Variants in MTUS1 observed in about 807,000 individuals in gnomAD.
MTUS1 encodes microtubule-associated tumor suppressor 1.
In MTUS1, 109 loss-of-function variants were observed where a neutral mutation model predicts 120.8. The ratio of observed to expected loss-of-function variants is 0.90; its 90% confidence interval spans 0.77 to 1.06. The LOEUF is 1.06. MTUS1 is among the 50% of genes least tolerant of loss of function. MTUS1 has a pLI of 0.00. For missense variants in MTUS1, 2,210 were observed against 1,486.3 expected (o/e 1.49, Z -8.01); for synonymous variants, 737 against 550.5 (o/e 1.34, Z -4.74).
At chr8:17,672,021 T>A (rs1201498521) in intron 8 of MTUS1, among the ~76,000 whole-genome samples, 1 of 152,136 alleles carries the variant, frequency 6.6e-6, no homozygotes, top group Non-Finnish European at 1.5e-5. Flanking sequence ...AACATCCAAC[T>A]AGGAGTGGAT....
Position 17,755,742 on chromosome 8 carries a change from T to C in MTUS1, c.66A>G (p.Lys22=). The change falls in exon 2 of 15, where the codon AAA becomes AAG. Residue 22 remains lysine (K), a synonymous_variant. Coordinates refer to ENST00000693296, the MANE Select transcript of MTUS1 (RefSeq NM_001363059.2). Reference sequence around the variant, plus strand: ...GGTTGTATGCATGTGTATTTCCATCTTTATCACTGGTAAAGAAGGTTTGCA... The same window carrying C: ...GGTTGTATGCATGTGTATTTCCATCCTTATCACTGGTAAAGAAGGTTTGCA... ...DELQTFFTSD[K]DGNTHAYNPK... is the part of the protein sequence containing the mutation. 6.2e-7 allele frequency: 1 copy of C among 1,614,130 alleles called. No homozygotes were observed. The highest frequency in any genetic ancestry group is 1.1e-5 in the South Asian group (1 of 91,076).
In MTUS1 at chr8:17,644,440, G is replaced by C. The variant is rs1049847409; in HGVS notation, c.*1486C>G. 1.3e-5 allele frequency: 2 copies of C among 151,610 alleles called. No individual in the cohort carries two copies. The highest frequency in any genetic ancestry group is 1.3e-4 in the Admixed American group (2 of 15,218). The allele number at this position is 151,610 out of a possible 1,614,324, so 9.4% of individuals were successfully genotyped here. On this transcript the variant is annotated 3_prime_UTR_variant, in exon 15 of 15. Transcript: ENST00000693296. ...ACATCACAATGTTGACACATGCAGG[G>C]AGGGGGAGATAAAGCAACAGTTCTT...
Position 17,754,424 on chromosome 8 carries a change from T to C in MTUS1, c.1384A>G (p.Lys462Glu). The C allele has an allele frequency of 6.2e-7, 1 of 1,614,204 alleles. No homozygotes were observed. Among genetic ancestry groups the C allele is most frequent in the East Asian group, 2.2e-5 (1 of 44,882 alleles). ...KKVEKGNRGL[K>E]NIPDSKEAPV... ...GCCTCCTTCGAGTCTGGTATGTTTTTAAGCCCTCGATTACCCTTCTCCACT... is the reference window on the plus strand; with the variant it reads ...GCCTCCTTCGAGTCTGGTATGTTTTCAAGCCCTCGATTACCCTTCTCCACT... Residue 462 changes from lysine (K) to glutamate (E), a missense_variant, in exon 2 of 15, where the codon AAA (lysine) becomes GAA (glutamate). Transcript: ENST00000693296.
At chr8:17,768,470 T>C (rs2049740909) in intron 1 of MTUS1, among the ~76,000 whole-genome samples, 1 of 152,128 alleles carries the variant, frequency 6.6e-6, no homozygotes. Flanking sequence ...CATTTAAGAC[T>C]TTTTAAAAGA....
intron 1 of MTUS1, among the ~76,000 whole-genome samples, chr8:17,759,958 C>T (rs1461334136): frequency 6.6e-6 from 1 of 151,464 alleles, no homozygotes; most frequent in Non-Finnish European, 1.5e-5. Flanking sequence ...CCTGTAATCT[C>T]AGCACTTTGG....
chr8:17,713,166 CTT>C (rs1563250454), intron 6 of MTUS1, 46 bp downstream of exon 6: 2 of 1,428,312 alleles, frequency 1.4e-6, no homozygotes, highest in Non-Finnish European at 2.0e-6. Flanking sequence ...AGTAACATAA[CTT>C]TACAAAAAGA....
rs111681574 is a variant in MTUS1, at chr8:17,699,976, C to G, written c.2623+13238G>C. 2.2e-3 allele frequency among the ~76,000 whole-genome samples: 336 copies of G among 152,246 alleles called. 2 individuals carry two copies. The highest frequency in any genetic ancestry group is 3.9e-3 in the Non-Finnish European group (268 of 68,024). The stretch of plus-strand genomic sequence containing the variant: ...AAAAATTCTTTGATTATTTGATCAT[C>G]TGTTACCAGTTAGGAACTCCATATT... On this transcript the variant is annotated intron_variant, in intron 6 of 14. Transcript: ENST00000693296.
intron 13 of MTUS1, among the ~76,000 whole-genome samples, chr8:17,648,462 G>C (rs971644230): frequency 2.0e-5 from 3 of 152,192 alleles, no homozygotes; most frequent in African/African-American, 7.2e-5. Context: ...ATATGGAGCA[G>C]TCCTATTAAC....
intron 1 of MTUS1, among the ~76,000 whole-genome samples, chr8:17,779,215 T>C (rs2050688020): frequency 1.3e-5 from 2 of 152,208 alleles, no homozygotes; most frequent in South Asian, 4.1e-4. Flanking sequence ...TTTCAACATG[T>C]GACGGGTGGT....
intron 3 of MTUS1, 120 bp downstream of exon 3, chr8:17,743,484 C>T (rs752503088): frequency 1.1e-5 from 10 of 913,258 alleles, no homozygotes; most frequent in Non-Finnish European, 1.6e-5. Flanking sequence ...CTCCTGTGCT[C>T]AGGATGCTGA....
chr8:17,695,630 A>C (rs946209792), intron 6 of MTUS1, among the ~76,000 whole-genome samples: 1 of 152,232 alleles, frequency 6.6e-6, no homozygotes, highest in African/African-American at 2.4e-5. Context: ...CAGACAACTT[A>C]GAATGTCTAC....
intron 3 of MTUS1, among the ~76,000 whole-genome samples, chr8:17,737,277 A>G (rs897042548): frequency 9.2e-5 from 14 of 152,194 alleles, no homozygotes; most frequent in Non-Finnish European, 4.4e-5. Context: ...TAGAATGGCG[A>G]TTATCACAGT....
Position 17,754,015 on chromosome 8 carries a change from G to A in MTUS1, c.1793C>T (p.Ser598Leu), listed in dbSNP as rs1563325712. 6.2e-7 allele frequency: 1 copy of A among 1,614,206 alleles called. No homozygotes were observed. The highest frequency in any genetic ancestry group is 1.7e-5 in the Admixed American group (1 of 60,024). ...AGATGTTGTTCTTGGAACCCTGTGT[G>A]AAGCATTTTTAGAATGAGTTGTAAC... is the stretch of plus-strand genomic sequence containing the variant. ...VHVTTHSKNA[S>L]HRVPRTTSAV... The change falls in exon 2 of 15, where the codon TCA (serine) becomes TTA (leucine). Residue 598 changes from serine (S) to leucine (L), a missense_variant. By Grantham distance (145) the Ser-to-Leu change is moderately radical. Coordinates refer to ENST00000693296, the MANE Select transcript of MTUS1 (RefSeq NM_001363059.2).
intron 7 of MTUS1, among the ~76,000 whole-genome samples, chr8:17,682,282 G>A (rs73200157): frequency 0.2 from 30,474 of 152,062 alleles, 3,442 homozygotes; most frequent in East Asian, 0.38. Context: ...TTGGGAGGCC[G>A]AGGTGAGCGG....
At chr8:17,648,743 A>G (rs956221476) in intron 13 of MTUS1, among the ~76,000 whole-genome samples, 8 of 152,208 alleles carry the variant, frequency 5.3e-5, no homozygotes, top group African/African-American at 1.7e-4. Flanking sequence ...GAGGTCCCCC[A>G]TGTCCCCTAC....
At chr8:17,674,954 A>C in intron 8 of MTUS1, 1 of 1,279,670 alleles carries the variant, frequency 7.8e-7, no homozygotes, top group East Asian at 2.9e-5. Flanking sequence ...TATTTTGCTC[A>C]TCAGAAGTTC....
intron 1 of MTUS1, among the ~76,000 whole-genome samples, chr8:17,761,240 T>A (rs1288812221): frequency 6.6e-6 from 1 of 152,172 alleles, no homozygotes; most frequent in Non-Finnish European, 1.5e-5. Flanking sequence ...AAAAAAACTT[T>A]CTAAATCTTA....
At chr8:17,712,839 T>C (rs1420305816) in intron 6 of MTUS1, among the ~76,000 whole-genome samples, 1 of 151,790 alleles carries the variant, frequency 6.6e-6, no homozygotes, top group Non-Finnish European at 1.5e-5. Flanking sequence ...AACATAAAAA[T>C]ATAGGCTGCT....
chr8:17,737,243 T>C (rs1373875611), intron 3 of MTUS1, among the ~76,000 whole-genome samples: 1 of 152,188 alleles, frequency 6.6e-6, no homozygotes, highest in African/African-American at 2.4e-5. Context: ...ACTGAAGCTT[T>C]CAGACCCTCA....
Sources: allele counts gnomAD v4.1 joint callset (sites outside exome capture counted in the v4.1 genomes callset), GRCh38; gene constraint gnomAD v4.1.1; transcripts MANE v1.5; gene names NCBI Gene and HGNC (gene_info 2026-07-23, HGNC 2026-07-21).